The following KIF21B variants were observed in gnomAD, a reference collection of about 807,000 sequenced individuals.
KIF21B encodes the protein kinesin family member 21B.
In KIF21B, 85 loss-of-function variants were observed where a neutral mutation model predicts 192.9. The ratio of observed to expected loss-of-function variants is 0.44; its 90% CI spans 0.37 to 0.53. KIF21B has a LOEUF of 0.53. Among genes scored for constraint, KIF21B ranks in the 20% least tolerant of loss-of-function variants. The pLI, the probability that KIF21B is intolerant of heterozygous loss-of-function variation, is 0.00. For missense variants in KIF21B, 1,716 were observed against 2,194.8 expected (o/e 0.78, Z 4.36); for synonymous variants, 832 against 884.6 (o/e 0.94, Z 1.05).
In KIF21B at chr1:200,973,546, C is replaced by T. The variant is rs375092846; in HGVS notation, c.4847G>A (p.Arg1616Gln). 57 of 1,501,226 alleles carry T rather than the reference C, an allele frequency of 3.8e-5. No individual in the cohort carries two copies. The highest frequency in any genetic ancestry group is 2.3e-4 in the African/African-American group (16 of 70,348). The allele number at this position is 1,501,226 out of a possible 1,614,324, so 93.0% of individuals were successfully genotyped here. Reference protein sequence around the residue: ...DLTVKFWSVRRLPHSGPP With the variant: ...DLTVKFWSVRQLPHSGPP ...CTAGGGTGGGCCGCTGTGGGGTAAC[C>T]GCCGGACACTCCAGAACTTCACCGT... The change falls in exon 35 of 35, where the codon CGG becomes CAG. Residue 1616 changes from arginine (R) to glutamine (Q), a missense_variant. Arg to Gln is a conservative substitution (Grantham distance 43). This residue lies in a region of KIF21B where 580 missense variants were observed against 775.5 expected (regional missense o/e 0.75). Coordinates refer to ENST00000461742, the MANE Select transcript of KIF21B (RefSeq NM_001252102.2).
rs891884528 is a variant in KIF21B, at chr1:200,982,504, G to A, written c.3842+552C>T. On this transcript the variant is annotated intron_variant, in intron 28 of 34. Transcript: ENST00000461742. This position sits in a 1 kb window ranked among gnomAD's most constrained non-coding sequence, Gnocchi z 4.7. Reference sequence around the variant, plus strand: ...AGCCTCCAGCCATCCCACAGGCTGCGGGAAGGGGAGGTACCCACACATCTG... The same window carrying A: ...AGCCTCCAGCCATCCCACAGGCTGCAGGAAGGGGAGGTACCCACACATCTG... Among the ~76,000 whole-genome samples, 2 of 152,156 alleles carry A rather than the reference G, an allele frequency of 1.3e-5. No homozygotes were observed. The highest frequency in any genetic ancestry group is 1.5e-5 in the Non-Finnish European group (1 of 68,016).
intron 1 of KIF21B, among the ~76,000 whole-genome samples, chr1:201,010,158 GCCC>G (rs1183208528): frequency 1.3e-5 from 2 of 152,220 alleles, no homozygotes; most frequent in Non-Finnish European, 2.9e-5. Context: ...CAGACCAGGA[GCCC>G]CCTTCCCAGA....
chr1:201,005,892 G>A (rs533057472), intron 3 of KIF21B, among the ~76,000 whole-genome samples, 198 bp from the exon 4 acceptor site: 113 of 152,316 alleles, frequency 7.4e-4, no homozygotes, highest in African/African-American at 2.6e-3. Flanking sequence ...GCTGGAGGCT[G>A]CACACTGTTC....
Position 200,975,057 on chromosome 1 carries a change from A to AGCATGGCTCCT in KIF21B, c.4615-145_4615-144insAGGAGCCATGC. Reference sequence around the variant, plus strand: ...CACACGGGCGGGTGACACTGGTTCCAGGAGCCATGCTGGGGTGGCCTGTGC... The same window carrying AGCATGGCTCCT: ...CACACGGGCGGGTGACACTGGTTCCAGCATGGCTCCTGGAGCCATGCTGGGGTGGCCTGTGC... On this transcript the variant is annotated intron_variant, in intron 33 of 34. Transcript: ENST00000461742. The surrounding 1 kb of genome is among the most constrained non-coding windows in gnomAD (Gnocchi z 4.3). 1 of 789,908 alleles carries AGCATGGCTCCT rather than the reference A, an allele frequency of 1.3e-6. No homozygotes were observed. The highest frequency in any genetic ancestry group is 2.0e-6 in the Non-Finnish European group (1 of 492,924). The allele number at this position is 789,908 out of a possible 1,614,324, so 48.9% of individuals were successfully genotyped here. A position where few individuals can be genotyped will look rare whatever the true frequency, so the allele number is the denominator to read the frequency against.
chr1:201,002,708 A>G, intron 8 of KIF21B: 1 of 236,552 alleles, frequency 4.2e-6, no homozygotes, highest in Admixed American at 4.9e-5. Context: ...GGCTGGTTGT[A>G]AGACAATAGG....
Position 200,999,563 on chromosome 1 carries a change from G to A in KIF21B, c.1768-97C>T. The A allele has an allele frequency of 1.3e-6, 2 of 1,552,820 alleles. No homozygotes were observed. Among genetic ancestry groups the A allele is most frequent in the South Asian group, 2.5e-5 (2 of 81,130 alleles). On this transcript the variant is annotated intron_variant, in intron 12 of 34. Transcript: ENST00000461742. This position sits in a 1 kb window ranked among gnomAD's most constrained non-coding sequence, Gnocchi z 4.7. ...CACAATGCCTCAGGTGTGTCAGGAGGGTGGGGATTGGGGCAGGCCACAGCT... is the reference window on the plus strand; with the variant it reads ...CACAATGCCTCAGGTGTGTCAGGAGAGTGGGGATTGGGGCAGGCCACAGCT...
rs1327194149 is a variant in KIF21B, at chr1:201,017,150, A to G, written c.41+6193T>C. Among the ~76,000 whole-genome samples the G allele has an allele frequency of 6.6e-6, 1 of 152,104 alleles. No individual in the cohort carries two copies. Among genetic ancestry groups the G allele is most frequent in the East Asian group, 1.9e-4 (1 of 5,186 alleles). ...GGTGCCTGCCATGAGGCACCTTGAG[A>G]GTCCTGTTGTCTATGGCCCTCCAGG... On this transcript the variant is annotated intron_variant, in intron 1 of 34. Transcript: ENST00000461742. The surrounding 1 kb of genome is among the most constrained non-coding windows in gnomAD (Gnocchi z 4.1).
At chr1:200,987,387 C>T (rs1387551707) in intron 24 of KIF21B, among the ~76,000 whole-genome samples, 186 bp from the exon 25 acceptor site, 9 of 148,442 alleles carry the variant, frequency 6.1e-5, no homozygotes, top group African/African-American at 1.8e-4. Flanking sequence ...ACTACAGGCA[C>T]GTGCCACCAT....
In KIF21B at chr1:200,979,566, G is replaced by A. The variant is rs1217111451; in HGVS notation, c.4129C>T (p.Arg1377Trp). ...GTCCGAATGCACTTGGCTGAGTCCC[G>A]GATGTCCCACACCTTGATGTAGGAG... The part of the protein sequence containing the change: ...STSYIKVWDI[R>W]DSAKCIRTLT... The change falls in exon 30 of 35, where the codon CGG becomes TGG. Residue 1377 changes from arginine (R) to tryptophan (W), a missense_variant. By Grantham distance (101) the Arg-to-Trp change is moderately radical. This residue lies in a region of KIF21B where 580 missense variants were observed against 775.5 expected (regional missense o/e 0.75). Transcript: ENST00000461742. The A allele has an allele frequency of 1.5e-5, 23 of 1,576,268 alleles. No individual in the cohort carries two copies. Among genetic ancestry groups the A allele is most frequent in the Middle Eastern group, 1.7e-4 (1 of 5,962 alleles).
chr1:200,985,555 T>G (rs775880109), intron 26 of KIF21B, among the ~76,000 whole-genome samples: 13 of 152,088 alleles, frequency 8.5e-5, no homozygotes, highest in Non-Finnish European at 1.5e-4. Flanking sequence ...AGCCCCTGCT[T>G]TCCCACTATT....
Position 200,989,047 on chromosome 1 carries a change from C to G in KIF21B, c.3133-116G>C. On this transcript the variant is annotated intron_variant, in intron 21 of 34. Transcript: ENST00000461742. ...AGTGCTCCTTTCCAGCTCCCAACAT[C>G]ACCCTTGTACCTGGCACAGACCTGA... The G allele has an allele frequency of 3.7e-6, 4 of 1,073,734 alleles. No homozygotes were observed. In the South Asian group the frequency reaches 5.0e-5, roughly 13 times the overall value. The allele number at this position is 1,073,734 out of a possible 1,614,324, so 66.5% of individuals were successfully genotyped here.
At chr1:200,983,336 C>T (rs531736100) in intron 27 of KIF21B, among the ~76,000 whole-genome samples, 13 of 152,078 alleles carry the variant, frequency 8.5e-5, no homozygotes, top group Non-Finnish European at 1.3e-4. Flanking sequence ...AAGGGAGGAG[C>T]GAGGAGGGGG....
rs1571943710 is a variant in KIF21B, at chr1:200,998,375, T to C, written c.2077+9A>G. Reference sequence around the variant, plus strand: ...CGGATGGGGTGGAGGGGCATGGCGGTGGCCTCACTGAGGTTCTGCAGCACA... The same window carrying C: ...CGGATGGGGTGGAGGGGCATGGCGGCGGCCTCACTGAGGTTCTGCAGCACA... On this transcript the variant is annotated intron_variant, in intron 14 of 34. Transcript: ENST00000461742. The surrounding 1 kb of genome is among the most constrained non-coding windows in gnomAD (Gnocchi z 4.3). 2 of 1,606,336 alleles carry C rather than the reference T, an allele frequency of 1.2e-6. No homozygotes were observed. Among genetic ancestry groups the C allele is most frequent in the Non-Finnish European group, 1.7e-6 (2 of 1,175,650 alleles).
At chr1:201,010,008 G>A (rs375585130) in intron 1 of KIF21B, among the ~76,000 whole-genome samples, 6 of 152,206 alleles carry the variant, frequency 3.9e-5, no homozygotes, top group South Asian at 2.1e-4. Context: ...GGGCCAGGGC[G>A]GGGAAGAGAA....
At position 200,990,562 on chromosome 1, in the gene KIF21B, G is replaced by A. The variant is rs766814418; in HGVS notation, c.2835+14C>T. The A allele has an allele frequency of 5.6e-6, 9 of 1,612,398 alleles. No individual in the cohort carries two copies. In the South Asian group the frequency reaches 6.6e-5, roughly 12 times the overall value. On this transcript the variant is annotated intron_variant, in intron 19 of 34. Coordinates refer to ENST00000461742, the MANE Select transcript of KIF21B (RefSeq NM_001252102.2). This position sits in a 1 kb window ranked among gnomAD's most constrained non-coding sequence, Gnocchi z 5.4. Reference sequence around the variant, plus strand: ...GAGGGGTGGAATGGAAGAGAAGGGGGAGGCAGGGCTCACCTTGATGAGCCG... The same window carrying A: ...GAGGGGTGGAATGGAAGAGAAGGGGAAGGCAGGGCTCACCTTGATGAGCCG...
At chr1:201,002,100 G>T (rs964886109) in intron 9 of KIF21B, 61 bp downstream of exon 9, 43 of 1,458,254 alleles carry the variant, frequency 2.9e-5, no homozygotes, top group Non-Finnish European at 3.5e-5. Context: ...TGGGGTGGAT[G>T]TCGGGGGAGG....
chr1:200,998,604 G>C lies in KIF21B; in HGVS notation c.1886-29C>G, dbSNP rs552791421. On this transcript the variant is annotated intron_variant, in intron 13 of 34. Coordinates refer to ENST00000461742, the MANE Select transcript of KIF21B (RefSeq NM_001252102.2). This position sits in a 1 kb window ranked among gnomAD's most constrained non-coding sequence, Gnocchi z 4.3. ...TGGGGGCACAATCAGGCTCAGCCCA[G>C]CGTTAGGGCGAGGGGCAAATTGGGG... The C allele has an allele frequency of 1.9e-6, 3 of 1,601,214 alleles. No homozygotes were observed. In the African/African-American group the frequency reaches 4.0e-5, roughly 21 times the overall value.
Position 200,990,878 on chromosome 1 carries a change from TCTGC to T in KIF21B, c.2687+35_2687+38del, listed in dbSNP as rs750461585. The T allele has an allele frequency of 6.2e-7, 1 of 1,611,042 alleles. No homozygotes were observed. The highest frequency in any genetic ancestry group is 1.1e-5 in the South Asian group (1 of 91,032). On this transcript the variant is annotated intron_variant, in intron 18 of 34. Transcript: ENST00000461742. This position sits in a 1 kb window ranked among gnomAD's most constrained non-coding sequence, Gnocchi z 5.4. ...GGCCCTGCCCCATATTCCCACCCCC[TCTGC>T]CTGCACAGGCCAGGGGACTGCCAGT...
Position 200,983,064 on chromosome 1 carries a change from C to A in KIF21B, c.3834G>T (p.Glu1278Asp). Residue 1278 changes from glutamate to aspartate, a missense_variant, in exon 28 of 35, where the codon GAG becomes GAT. This residue lies in a region of KIF21B where 580 missense variants were observed against 775.5 expected (regional missense o/e 0.75). Transcript: ENST00000461742. ...KSDDSDSSLSEVLRGIISPVG... is the reference protein window; with the variant it reads ...KSDDSDSSLSDVLRGIISPVG... Reference sequence around the variant, plus strand: ...AGACATTCTGTGTGTACCTCAGGACCTCCGACAAAGAGGAGTCGCTGTCAT... The same window carrying A: ...AGACATTCTGTGTGTACCTCAGGACATCCGACAAAGAGGAGTCGCTGTCAT... 2.0e-6 allele frequency: 3 copies of A among 1,536,124 alleles called. No individual in the cohort carries two copies. Among genetic ancestry groups the A allele is most frequent in the Non-Finnish European group, 2.6e-6 (3 of 1,146,878 alleles).
Sources: gnomAD v4.1 joint callset for allele counts (sites outside exome capture counted in the v4.1 genomes callset) on GRCh38, gnomAD v4.1.1 for gene constraint, gnomAD v4.1.1 regional missense constraint, Gnocchi (gnomAD v3.1) non-coding constraint, MANE v1.5 for transcripts, NCBI Gene and HGNC (gene_info 2026-07-23, HGNC 2026-07-21) for gene names.